The following PCYT2 variants were observed in gnomAD, a reference collection of about 807,000 sequenced individuals.
PCYT2 encodes ethanolamine-phosphate cytidylyltransferase.
Under a neutral mutation model 50.0 loss-of-function variants are expected in PCYT2, and 33 were observed. The ratio of observed to expected loss-of-function variants is 0.66; its 90% CI spans 0.50 to 0.88. The LOEUF is 0.88. PCYT2 is among the 40% of genes least tolerant of loss of function. The pLI is 0.00. For missense variants in PCYT2, 430 were observed against 519.7 expected, an observed-to-expected ratio of 0.83 and a Z score of 1.68; for synonymous variants, 240 against 203.7, an observed-to-expected ratio of 1.18 and a Z score of -1.52.
intron 1 of PCYT2, 60 bp downstream of exon 1, chr17:81,911,207 G>A: frequency 2.9e-6 from 3 of 1,021,500 alleles, no homozygotes; most frequent in Non-Finnish European, 3.5e-6. Context: ...CGGCTGGCGC[G>A]GCGCCCCGGA....
At chr17:81,909,475 G>C in intron 2 of PCYT2, 39 bp downstream of exon 2, 2 of 1,568,744 alleles carry the variant, frequency 1.3e-6, no homozygotes, top group Non-Finnish European at 1.8e-6. Flanking sequence ...CCACAGGAGG[G>C]CTGGGGGGCC....
At position 81,904,257 on chromosome 17, in the gene PCYT2, G is replaced by A. The variant is rs1344101637; in HGVS notation, c.*576C>T. 1 of 152,468 alleles carries A rather than the reference G, an allele frequency of 6.6e-6. No individual in the cohort carries two copies. Among genetic ancestry groups the A allele is most frequent in the African/African-American group, 2.4e-5 (1 of 41,468 alleles). The allele number at this position is 152,468 out of a possible 1,614,324, so 9.4% of individuals were successfully genotyped here. The stretch of plus-strand genomic sequence containing the variant: ...CAGCACTGCCACCAGGCTTTATTCG[G>A]TTGTACCAAAGAGATTTCCGTCAGC... On this transcript the variant is annotated 3_prime_UTR_variant, in exon 13 of 13. Coordinates refer to ENST00000538936, the MANE Select transcript of PCYT2 (RefSeq NM_002861.5).
intron 2 of PCYT2, 130 bp from the exon 3 acceptor site, chr17:81,909,167 C>A: frequency 6.7e-7 from 1 of 1,481,864 alleles, no homozygotes; most frequent in Non-Finnish European, 8.9e-7. Flanking sequence ...TCTACCCTGG[C>A]CCTTAGCCCA....
chr17:81,909,762 G>A (rs2040476305), intron 1 of PCYT2, among the ~76,000 whole-genome samples, 160 bp from the exon 2 acceptor site: 2 of 152,194 alleles, frequency 1.3e-5, no homozygotes, highest in South Asian at 4.1e-4. Flanking sequence ...GGATGTAGGT[G>A]CTCAGCTCTC....
At chr17:81,905,887 C>T in intron 9 of PCYT2, 152 bp from the exon 10 acceptor site, 1 of 832,520 alleles carries the variant, frequency 1.2e-6, no homozygotes, top group Non-Finnish European at 2.0e-6. Context: ...TGGGGCTCCT[C>T]CATGAGACAA....
intron 5 of PCYT2, 61 bp from the exon 6 acceptor site, chr17:81,907,659 C>T: frequency 6.2e-7 from 1 of 1,600,270 alleles, no homozygotes; most frequent in Non-Finnish European, 8.5e-7. Flanking sequence ...CACCCCAGAA[C>T]CGGCTGGGGA....
rs774765526 is a variant in PCYT2, at chr17:81,907,564, C to T, written c.527G>A (p.Ser176Asn). 1.2e-6 allele frequency: 2 copies of T among 1,610,792 alleles called. No homozygotes were observed. Among genetic ancestry groups the T allele is most frequent in the African/African-American group, 2.7e-5 (2 of 74,944 alleles). The change falls in exon 6 of 13, where the codon AGT (serine) becomes AAT (asparagine). Residue 176 changes from serine to asparagine, a missense_variant. Physicochemically the swap from Ser to Asn is conservative, Grantham distance 46 (BLOSUM62 1). Coordinates refer to ENST00000538936, the MANE Select transcript of PCYT2 (RefSeq NM_002861.5). Reference sequence around the variant, plus strand: ...CACAGCCGCACTCACCTTGCCAAAACTGTCTGCATACTCCCGGTACTCAGA... The same window carrying T: ...CACAGCCGCACTCACCTTGCCAAAATTGTCTGCATACTCCCGGTACTCAGA... ...MSSEYREYAD[S>N]FGKCPGGRNP...
At position 81,902,768 on chromosome 17, in the gene PCYT2, C is replaced by T. The variant is rs765401932; in HGVS notation, c.*2065G>A. On this transcript the variant is annotated 3_prime_UTR_variant, in exon 13 of 13. Coordinates refer to ENST00000538936, the MANE Select transcript of PCYT2 (RefSeq NM_002861.5). ...GCCTGAGCCCGGACCTCTCCTGGCA[C>T]CGCTGGGGGCCCCCCGCCCCCACCG... 1.3e-5 allele frequency: 21 copies of T among 1,587,836 alleles called. No homozygotes were observed. The highest frequency in any genetic ancestry group is 1.6e-5 in the Non-Finnish European group (19 of 1,169,996).
rs2039982504 is a variant in PCYT2 at position 81,902,290 on chromosome 17, G to A, written c.*2543C>T. ...AGCCGGCGTCCCCATGGCCCGGTCC[G>A]CGACACTGGCGGCCGCCGCCCTGGC... On this transcript the variant is annotated 3_prime_UTR_variant, in exon 13 of 13. Transcript: ENST00000538936. 1.5e-6 allele frequency: 2 copies of A among 1,319,642 alleles called. No individual in the cohort carries two copies. Among genetic ancestry groups the A allele is most frequent in the Non-Finnish European group, 1.9e-6 (2 of 1,041,674 alleles). 81.7% of individuals were successfully genotyped at this position (1,319,642 alleles called of 1,614,324 possible). A position where few individuals can be genotyped will look rare whatever the true frequency, so the allele number is the denominator to read the frequency against.
intron 9 of PCYT2, 54 bp downstream of exon 9, chr17:81,906,046 G>A (rs2040245247): frequency 2.0e-6 from 3 of 1,488,076 alleles, no homozygotes; most frequent in East Asian, 4.6e-5. Context: ...TTAGTAGGGG[G>A]GATGTTGTGG....
intron 4 of PCYT2, among the ~76,000 whole-genome samples, chr17:81,908,256 C>T (rs564510252): frequency 5.3e-5 from 8 of 152,354 alleles, no homozygotes; most frequent in East Asian, 3.9e-4. Context: ...ATGTCCCTGA[C>T]GTCTGGTAAT....
In PCYT2 at chr17:81,910,802, C is replaced by A. The variant is rs932067923; in HGVS notation, c.89+465G>T. 7.8e-6 allele frequency: 6 copies of A among 773,680 alleles called. No homozygotes were observed. The African/African-American group carries it at 1.1e-4, about 15-fold the overall frequency. The allele number at this position is 773,680 out of a possible 1,614,324, so 47.9% of individuals were successfully genotyped here. On this transcript the variant is annotated intron_variant, in intron 1 of 12. Transcript: ENST00000538936. ...CTTAAAACAATGCCCTCTGACTGGC[C>A]AGGGAAGACCGATCGCATTCTAGCC...
chr17:81,902,763 T>C lies in PCYT2; in HGVS notation c.*2070A>G. 1.3e-6 allele frequency: 2 copies of C among 1,594,182 alleles called. No homozygotes were observed. The highest frequency in any genetic ancestry group is 1.7e-6 in the Non-Finnish European group (2 of 1,172,518). On this transcript the variant is annotated 3_prime_UTR_variant, in exon 13 of 13. Transcript: ENST00000538936. Reference sequence around the variant, plus strand: ...TCGCCGCCTGAGCCCGGACCTCTCCTGGCACCGCTGGGGGCCCCCCGCCCC... The same window carrying C: ...TCGCCGCCTGAGCCCGGACCTCTCCCGGCACCGCTGGGGGCCCCCCGCCCC...
chr17:81,907,928 T>C (rs1445593546), intron 4 of PCYT2, 71 bp from the exon 5 acceptor site: 1 of 1,262,930 alleles, frequency 7.9e-7, no homozygotes, highest in Non-Finnish European at 1.1e-6. Context: ...CTACCACCAC[T>C]AGGGACACTA....
chr17:81,906,989 G>A, intron 6 of PCYT2, 91 bp from the exon 7 acceptor site: 1 of 1,418,134 alleles, frequency 7.1e-7, no homozygotes, highest in Non-Finnish European at 9.6e-7. Context: ...TCACCTGCCA[G>A]CAATCCCATT....
chr17:81,907,407 C>G (rs565465086), intron 6 of PCYT2, 147 bp downstream of exon 6: 1 of 1,197,370 alleles, frequency 8.4e-7, no homozygotes, highest in Admixed American at 2.1e-5. Context: ...TGAGCCAAAC[C>G]TGGCAGTCAG....
chr17:81,910,136 G>T (rs1427435741), intron 1 of PCYT2, among the ~76,000 whole-genome samples: 1 of 152,214 alleles, frequency 6.6e-6, no homozygotes, highest in Non-Finnish European at 1.5e-5. Flanking sequence ...AGCTCAGCAG[G>T]CTTAACGCTA....
chr17:81,905,444 C>G lies in PCYT2; in HGVS notation c.907G>C (p.Asp303His). The change falls in exon 11 of 13, where the codon GAC becomes CAC. Residue 303 changes from aspartate (D) to histidine (H), a missense_variant. Coordinates refer to ENST00000538936, the MANE Select transcript of PCYT2 (RefSeq NM_002861.5). ...TCTGTCTTGCCGTGACACACCAGGT[C>G]CACCTGGAGAAGGAGTGGGGTCAGG... ...TAELLSHFKV[D>H]LVCHGKTEII... The G allele has an allele frequency of 1.9e-6, 3 of 1,565,646 alleles. No individual in the cohort carries two copies. The highest frequency in any genetic ancestry group is 2.6e-6 in the Non-Finnish European group (3 of 1,155,030).
At chr17:81,907,688 AG>A (rs1449662150) in intron 5 of PCYT2, 84 bp downstream of exon 5, 7 of 1,594,904 alleles carry the variant, frequency 4.4e-6, no homozygotes, top group African/African-American at 1.3e-5. Context: ...AGTGGGCAGG[AG>A]GACCCTGAGA....
Sources: gnomAD v4.1 joint callset for allele counts (sites outside exome capture counted in the v4.1 genomes callset) on GRCh38, gnomAD v4.1.1 for gene constraint, MANE v1.5 for transcripts, NCBI Gene and HGNC (gene_info 2026-07-23, HGNC 2026-07-21) for gene names.